ERBB4: variants seen among roughly 807,000 people sequenced by gnomAD.
ERBB4 encodes the protein receptor tyrosine-protein kinase erbB-4.
In ERBB4, 42 loss-of-function variants were observed where a neutral mutation model predicts 158.0. That is an observed-to-expected ratio of 0.27 (90% confidence interval 0.21 to 0.34). The LOEUF (loss-of-function observed/expected upper bound fraction) is 0.34, where lower values mean the gene tolerates loss of function less well. Ranked by LOEUF, ERBB4 falls within the 10% of genes least tolerant of loss-of-function variation. The pLI is 1.00. For missense variants in ERBB4, 1,333 were observed against 1,624.1 expected, an observed-to-expected ratio of 0.82 and a Z score of 3.08; for synonymous variants, 583 against 558.7, an observed-to-expected ratio of 1.04 and a Z score of -0.61.
intron 19 of ERBB4, among the ~76,000 whole-genome samples, chr2:211,582,746 G>A (rs1018716285): frequency 3.9e-5 from 6 of 152,120 alleles, no homozygotes; most frequent in Admixed American, 3.3e-4. Flanking sequence ...TAACTGAAAT[G>A]TCTATACATT....
At position 211,562,079 on chromosome 2, in the gene ERBB4, T is replaced by A. The variant is rs2125722510; in HGVS notation, c.2311A>T (p.Ile771Phe). The A allele has an allele frequency of 6.2e-7, 1 of 1,613,404 alleles. No homozygotes were observed. The highest frequency in any genetic ancestry group is 8.5e-7 in the Non-Finnish European group (1 of 1,180,018). The stretch of plus-strand genomic sequence containing the variant: ...TGTGGATGATCCATACTTGCCATGA[T>A]CAGAGCTTCCTGTAAGAAAAAAATG... The part of the protein sequence containing the change: ...ANVEFMDEAL[I>F]MASMDHPHLV... The change falls in exon 20 of 28, where the codon ATC becomes TTC. Residue 771 changes from isoleucine to phenylalanine, a missense_variant. Physicochemically the swap from Ile to Phe is conservative, Grantham distance 21. Transcript: ENST00000342788.
chr2:212,240,191 G>T (rs7592417), intron 1 of ERBB4, among the ~76,000 whole-genome samples: 3,924 of 152,164 alleles, frequency 0.026, 164 homozygotes, highest in African/African-American at 0.09. Flanking sequence ...ATGGGGTTCA[G>T]CAACACTATC....
intron 1 of ERBB4, among the ~76,000 whole-genome samples, chr2:212,199,508 G>A (rs551283736): frequency 2.6e-5 from 4 of 152,104 alleles, no homozygotes; most frequent in Non-Finnish European, 4.4e-5. Flanking sequence ...ACAACTTACG[G>A]CTGCAGAGGA....
chr2:211,622,126 T>C (rs1201608198), intron 18 of ERBB4, among the ~76,000 whole-genome samples: 2 of 152,238 alleles, frequency 1.3e-5, no homozygotes, highest in African/African-American at 4.8e-5. Flanking sequence ...TCTACATTTA[T>C]TATCCACATA....
chr2:211,839,266 C>A (rs1480164513), intron 3 of ERBB4, among the ~76,000 whole-genome samples: 2 of 150,324 alleles, frequency 1.3e-5, no homozygotes, highest in Admixed American at 6.7e-5. Context: ...AAAGAAAGAC[C>A]TAATTGTCAC....
intron 2 of ERBB4, among the ~76,000 whole-genome samples, chr2:211,981,453 C>T (rs2081794238): frequency 1.3e-5 from 2 of 152,182 alleles, no homozygotes; most frequent in East Asian, 3.8e-4. Context: ...TGGTTTTTGC[C>T]TGTAGGTTTA....
intron 1 of ERBB4, among the ~76,000 whole-genome samples, chr2:212,194,319 CTT>C (rs2082360499): frequency 2.0e-5 from 3 of 150,404 alleles, no homozygotes; most frequent in Admixed American, 2.0e-4. Flanking sequence ...CACACACACA[CTT>C]TGTTTCCTTT....
At chr2:212,148,118 G>A (rs1479324001) in intron 1 of ERBB4, among the ~76,000 whole-genome samples, 1 of 151,476 alleles carries the variant, frequency 6.6e-6, no homozygotes, top group Middle Eastern at 3.2e-3. Flanking sequence ...ATCACCAGGG[G>A]GCAGCACAAT....
chr2:212,191,986 TATGTTATATATGTTATATATA>T (rs1559706516), intron 1 of ERBB4, among the ~76,000 whole-genome samples: 8 of 83,872 alleles, frequency 9.5e-5, no homozygotes, highest in African/African-American at 3.7e-4. Context: ...ATATATGTTA[TATGTTATATATGTTATATATA>T]ATATATGTTA....
chr2:212,471,508 G>A (rs1299323921), intron 1 of ERBB4, among the ~76,000 whole-genome samples: 2 of 151,880 alleles, frequency 1.3e-5, no homozygotes, highest in African/African-American at 4.8e-5. Context: ...TGAAAATTAA[G>A]TATGATCTAT....
intron 3 of ERBB4, among the ~76,000 whole-genome samples, chr2:211,931,493 T>A (rs1416027058): frequency 1.3e-5 from 2 of 151,812 alleles, no homozygotes; most frequent in Admixed American, 6.6e-5. Context: ...TTGGAAGGGG[T>A]AATGTCATGT....
intron 2 of ERBB4, among the ~76,000 whole-genome samples, chr2:211,953,465 C>CAAAAAAAA (rs36024345): frequency 1.8e-4 from 15 of 85,542 alleles, no homozygotes; most frequent in East Asian, 6.8e-4. Context: ...GGTTTTTCTC[C>CAAAAAAAA]AAAAAAAAAA....
chr2:212,350,646 A>T (rs564111455), intron 1 of ERBB4, among the ~76,000 whole-genome samples: 1 of 152,276 alleles, frequency 6.6e-6, no homozygotes, highest in South Asian at 2.1e-4. Flanking sequence ...CAAATCTTTC[A>T]TGAGTTCTAT....
At chr2:211,503,618 T>C (rs1291354202) in intron 20 of ERBB4, among the ~76,000 whole-genome samples, 1 of 152,116 alleles carries the variant, frequency 6.6e-6, no homozygotes. Flanking sequence ...CATAGCGCCT[T>C]GGGCACAGGT....
At chr2:212,084,518 G>A (rs2078543043) in intron 2 of ERBB4, among the ~76,000 whole-genome samples, 1 of 151,910 alleles carries the variant, frequency 6.6e-6, no homozygotes, top group Non-Finnish European at 1.5e-5. Flanking sequence ...ATTTGATTTA[G>A]ACTTTTACTG....
rs145598296 is a variant in ERBB4 at position 212,035,853 on chromosome 2, A to G, written c.235-88237T>C. On this transcript the variant is annotated intron_variant, in intron 2 of 27. Coordinates refer to ENST00000342788, the MANE Select transcript of ERBB4 (RefSeq NM_005235.3). ...TCTTAGCAAAGTACCTGACCCAAAC[A>G]GGCATATAATAAAAAAATTGCCAAT... Among the ~76,000 whole-genome samples, 328 of 152,306 alleles carry G rather than the reference A, an allele frequency of 2.2e-3. 1 individual carries two copies. The Middle Eastern group carries it at 0.027, about 13-fold the overall frequency.
intron 1 of ERBB4, among the ~76,000 whole-genome samples, chr2:212,494,177 T>C (rs1389167748): frequency 2.0e-5 from 3 of 151,854 alleles, no homozygotes; most frequent in Non-Finnish European, 1.5e-5. Context: ...AACACACATA[T>C]GTCTATCAAA....
chr2:212,348,905 T>C (rs1050905170), intron 1 of ERBB4, among the ~76,000 whole-genome samples: 7 of 152,278 alleles, frequency 4.6e-5, no homozygotes, highest in Admixed American at 1.3e-4. Flanking sequence ...AACTGGAGTA[T>C]TTAGTGAAGT....
chr2:211,736,561 A>G (rs562626951), intron 5 of ERBB4, among the ~76,000 whole-genome samples: 2 of 152,332 alleles, frequency 1.3e-5, no homozygotes, highest in South Asian at 4.1e-4. Flanking sequence ...TTATATATGT[A>G]CAGCAAATTA....
Sources: gnomAD v4.1 joint callset for allele counts (sites outside exome capture counted in the v4.1 genomes callset) on GRCh38, gnomAD v4.1.1 for gene constraint, MANE v1.5 for transcripts, NCBI Gene and HGNC (gene_info 2026-07-23, HGNC 2026-07-21) for gene names.